The following PCSK2 variants were observed in gnomAD, a reference collection of about 807,000 sequenced individuals.
PCSK2 encodes proprotein convertase subtilisin/kexin type 2.
Under a neutral mutation model 69.7 loss-of-function variants are expected in PCSK2, and 14 were observed. That is an observed-to-expected ratio of 0.20 (90% CI 0.13 to 0.31). The LOEUF (loss-of-function observed/expected upper bound fraction) is 0.31. Ranked by LOEUF, PCSK2 falls within the 10% of genes least tolerant of loss-of-function variation. The probability of loss-of-function intolerance (pLI) is 1.00; values close to 1 mark genes in which losing one functional copy is unlikely to be tolerated. For missense variants in PCSK2, 544 were observed against 842.5 expected, an observed-to-expected ratio of 0.65 and a Z score of 4.39; for synonymous variants, 307 against 320.7, an observed-to-expected ratio of 0.96 and a Z score of 0.46.
rs146236340 is a variant in PCSK2 at position 17,465,293 on chromosome 20, C to T, written c.1203-33C>T. 8.3e-3 allele frequency: 12,656 copies of T among 1,520,916 alleles called. 76 individuals are homozygous for T. The highest frequency in any genetic ancestry group is 0.029 in the Middle Eastern group (170 of 5,914). The allele number at this position is 1,520,916 out of a possible 1,614,324, so 94.2% of individuals were successfully genotyped here. On this transcript the variant is annotated intron_variant, in intron 10 of 11. Transcript: ENST00000262545. ...TCCCTCTCTCACCCTGCCTTTTGCC[C>T]TTGCCCTCTTGCTCTCTGCTTCCTG... is the stretch of plus-strand genomic sequence containing the variant.
At chr20:17,253,092 T>C (rs375611644) in intron 1 of PCSK2, among the ~76,000 whole-genome samples, 10 of 152,192 alleles carry the variant, frequency 6.6e-5, no homozygotes, top group Admixed American at 1.3e-4. Context: ...GTGTTCATAA[T>C]CTACGACTTA....
chr20:17,230,983 A>G (rs901655123), intron 1 of PCSK2, among the ~76,000 whole-genome samples: 2 of 152,252 alleles, frequency 1.3e-5, no homozygotes, highest in Admixed American at 6.5e-5. Context: ...TACAGTAATG[A>G]CAAAAGCATT....
Position 17,466,371 on chromosome 20 carries a change from T to C in PCSK2, c.1430+818T>C, listed in dbSNP as rs1047694612. On this transcript the variant is annotated intron_variant, in intron 11 of 11. Coordinates refer to ENST00000262545, the MANE Select transcript of PCSK2 (RefSeq NM_002594.5). ...CATGTTTAATGTGTACTTACAGCTT[T>C]TCTCATTGCTGAAGAGTGTTCCAGT... 3.3e-5 allele frequency among the ~76,000 whole-genome samples: 5 copies of C among 152,242 alleles called. No individual in the cohort carries two copies. In the East Asian group the frequency reaches 9.6e-4, roughly 29 times the overall value.
At chr20:17,469,547 TA>T (rs778449318) in intron 11 of PCSK2, among the ~76,000 whole-genome samples, 559 of 139,254 alleles carry the variant, frequency 4.0e-3, no homozygotes, top group African/African-American at 5.8e-3. Flanking sequence ...CCAGAAAGGA[TA>T]AAAAAAAAAA....
chr20:17,431,355 T>A (rs1432557645), intron 7 of PCSK2, among the ~76,000 whole-genome samples: 2 of 152,170 alleles, frequency 1.3e-5, no homozygotes, highest in African/African-American at 4.8e-5. Context: ...TCGCTTGAAC[T>A]GAGTGGAGCT....
intron 11 of PCSK2, chr20:17,479,154 G>A: frequency 7.3e-7 from 1 of 1,378,916 alleles, no homozygotes; most frequent in Non-Finnish European, 1.0e-6. Context: ...TTACGGTACA[G>A]GTTCCATCAG....
intron 8 of PCSK2, among the ~76,000 whole-genome samples, chr20:17,438,803 C>A (rs1338248614): frequency 6.6e-6 from 1 of 152,248 alleles, no homozygotes; most frequent in African/African-American, 2.4e-5. Context: ...CTGTTTGCCT[C>A]CAACAGGGAG....
chr20:17,373,637 C>T (rs1459235125), intron 5 of PCSK2, among the ~76,000 whole-genome samples: 3 of 152,160 alleles, frequency 2.0e-5, no homozygotes, highest in African/African-American at 7.2e-5. Context: ...GAAAACTCTA[C>T]CCAAGGCTCC....
At chr20:17,294,098 CTTTTTTT>C (rs34805695) in intron 2 of PCSK2, among the ~76,000 whole-genome samples, 7 of 73,960 alleles carry the variant, frequency 9.5e-5, no homozygotes, top group South Asian at 5.5e-4. Context: ...AAAGTATTTT[CTTTTTTT>C]TTTTTTTTTT....
chr20:17,302,626 G>A (rs1168932590), intron 2 of PCSK2, among the ~76,000 whole-genome samples: 1 of 152,162 alleles, frequency 6.6e-6, no homozygotes, highest in African/African-American at 2.4e-5. Context: ...TCAAGAAACA[G>A]TGGAGCTATT....
intron 2 of PCSK2, among the ~76,000 whole-genome samples, chr20:17,327,628 A>G (rs1990100752): frequency 1.3e-5 from 2 of 152,150 alleles, no homozygotes; most frequent in Admixed American, 1.3e-4. Flanking sequence ...TCCCTCCCAT[A>G]GACAGTGCAC....
intron 2 of PCSK2, among the ~76,000 whole-genome samples, chr20:17,294,628 A>G (rs1245075575): frequency 6.6e-6 from 1 of 152,196 alleles, no homozygotes; most frequent in Non-Finnish European, 1.5e-5. Context: ...TCCACTGGAA[A>G]GTCTAGTACC....
rs560388616 is a variant in PCSK2, at chr20:17,267,934, T to C, written c.282+7590T>C. On this transcript the variant is annotated intron_variant, in intron 2 of 11. Transcript: ENST00000262545. Reference sequence around the variant, plus strand: ...CCTTTAGGACTTCCTGGGAAAATCTTAGATGTTTGAAGGGCAAAATTCTCC... The same window carrying C: ...CCTTTAGGACTTCCTGGGAAAATCTCAGATGTTTGAAGGGCAAAATTCTCC... Among the ~76,000 whole-genome samples, 192 of 151,384 alleles carry C rather than the reference T, an allele frequency of 1.3e-3. 1 individual carries two copies. Among genetic ancestry groups the C allele is most frequent in the African/African-American group, 4.5e-3 (187 of 41,312 alleles).
chr20:17,348,092 AAAGAAAG>A (rs750543757), intron 2 of PCSK2, among the ~76,000 whole-genome samples: 93 of 146,398 alleles, frequency 6.4e-4, no homozygotes, highest in Non-Finnish European at 1.1e-3. Flanking sequence ...AGAAAGAAAG[AAAGAAAG>A]AAAGAAAAGA....
At chr20:17,290,332 C>T (rs1272276513) in intron 2 of PCSK2, among the ~76,000 whole-genome samples, 2 of 152,144 alleles carry the variant, frequency 1.3e-5, no homozygotes, top group African/African-American at 4.8e-5. Flanking sequence ...TGTATGATCC[C>T]ATTTTGTCAT....
intron 1 of PCSK2, among the ~76,000 whole-genome samples, chr20:17,251,870 A>T (rs1484773828): frequency 6.6e-6 from 1 of 152,132 alleles, no homozygotes; most frequent in East Asian, 1.9e-4. Context: ...CTGGAGTTGG[A>T]ATCATGTGAA....
At chr20:17,257,383 G>T (rs954582688) in intron 1 of PCSK2, among the ~76,000 whole-genome samples, 1 of 152,152 alleles carries the variant, frequency 6.6e-6, no homozygotes, top group Non-Finnish European at 1.5e-5. Context: ...CAAGGATCTA[G>T]AACCAGAAAT....
intron 3 of PCSK2, among the ~76,000 whole-genome samples, chr20:17,360,039 G>A (rs1293753709): frequency 6.6e-6 from 1 of 152,126 alleles, no homozygotes; most frequent in East Asian, 1.9e-4. Context: ...TAGTGTGGTG[G>A]CACTGAAATT....
intron 2 of PCSK2, among the ~76,000 whole-genome samples, chr20:17,290,041 C>T (rs923400865): frequency 1.3e-5 from 2 of 152,336 alleles, no homozygotes; most frequent in African/African-American, 4.8e-5. Flanking sequence ...GTATTATTAG[C>T]ATTTTTCCTC....
Sources: gnomAD v4.1 joint callset for allele counts (sites outside exome capture counted in the v4.1 genomes callset) on GRCh38, gnomAD v4.1.1 for gene constraint, MANE v1.5 for transcripts, NCBI Gene and HGNC (gene_info 2026-07-23, HGNC 2026-07-21) for gene names.